The following PLXNC1 variants were observed in gnomAD, a reference collection of about 807,000 sequenced individuals.
PLXNC1 encodes the protein plexin-C1.
A neutral mutation model predicts 178.2 loss-of-function variants in PLXNC1; 75 were observed. The observed-to-expected ratio is 0.42, with a 90% confidence interval of 0.35 to 0.51. The LOEUF is 0.51. Among genes scored for constraint, PLXNC1 ranks in the 20% least tolerant of loss-of-function variants. The pLI, the probability that PLXNC1 is intolerant of heterozygous loss-of-function variation, is 0.02. For missense variants in PLXNC1, 1,503 were observed against 1,984.4 expected, an observed-to-expected ratio of 0.76 and a Z score of 4.61; for synonymous variants, 790 against 779.9, an observed-to-expected ratio of 1.01 and a Z score of -0.22.
chr12:94,165,453 C>T (rs1173913579), intron 1 of PLXNC1, among the ~76,000 whole-genome samples: 1 of 152,190 alleles, frequency 6.6e-6, no homozygotes, highest in East Asian at 1.9e-4. Context: ...GCCTCCTCTC[C>T]TGTTTTCTTC....
chr12:94,149,940 C>A lies in PLXNC1; in HGVS notation c.969C>A (p.Pro323=), dbSNP rs527239425. ...AAGEGQERRS[P]TTTALCLFRM... Reference sequence around the variant, plus strand: ...GAGAGGGCCAGGAGCGGCGCTCCCCCACCACCACGGCGCTCTGCCTCTTCA... The same window carrying A: ...GAGAGGGCCAGGAGCGGCGCTCCCCAACCACCACGGCGCTCTGCCTCTTCA... The change falls in exon 1 of 31, where the codon CCC becomes CCA. Residue 323 remains proline, a synonymous_variant. Coordinates refer to ENST00000258526, the MANE Select transcript of PLXNC1 (RefSeq NM_005761.3). 22 of 1,586,876 alleles carry A rather than the reference C, an allele frequency of 1.4e-5. No individual in the cohort carries two copies. Among genetic ancestry groups the A allele is most frequent in the Non-Finnish European group, 1.9e-5 (22 of 1,167,716 alleles).
chr12:94,163,942 TC>T lies in PLXNC1; in HGVS notation c.1063-5210del, dbSNP rs539088667. ...CATCTCCTTAGCTGAATAAAAGTAA[TC>T]TAATTATTTTCAAACACATGATTTC... On this transcript the variant is annotated intron_variant, in intron 1 of 30. Transcript: ENST00000258526. Among the ~76,000 whole-genome samples, 8 of 152,288 alleles carry T rather than the reference TC, an allele frequency of 5.3e-5. No individual in the cohort carries two copies. The South Asian group carries it at 1.7e-3, about 32-fold the overall frequency.
intron 4 of PLXNC1, among the ~76,000 whole-genome samples, chr12:94,207,890 A>G (rs1963346995): frequency 6.6e-6 from 1 of 152,178 alleles, no homozygotes; most frequent in Admixed American, 6.5e-5. Flanking sequence ...GCCAACAAAA[A>G]TATTTGTACT....
intron 2 of PLXNC1, among the ~76,000 whole-genome samples, chr12:94,171,052 G>C (rs1251528696): frequency 6.6e-6 from 1 of 152,164 alleles, no homozygotes. Flanking sequence ...CCCCAAAGCC[G>C]AGCCAACCAA....
intron 11 of PLXNC1, among the ~76,000 whole-genome samples, chr12:94,242,923 TATCC>T (rs1178580739): frequency 6.6e-6 from 1 of 151,964 alleles, no homozygotes; most frequent in Admixed American, 6.6e-5. Flanking sequence ...GCCACAGCAG[TATCC>T]TGCTTTGCTA....
At chr12:94,160,192 G>C (rs1283875239) in intron 1 of PLXNC1, among the ~76,000 whole-genome samples, 5 of 152,118 alleles carry the variant, frequency 3.3e-5, no homozygotes, top group Non-Finnish European at 7.4e-5. Flanking sequence ...GAGTAGCCAG[G>C]TCTGGCTCAT....
At chr12:94,173,700 T>G (rs1445200646) in intron 2 of PLXNC1, among the ~76,000 whole-genome samples, 1 of 152,190 alleles carries the variant, frequency 6.6e-6, no homozygotes, top group African/African-American at 2.4e-5. Context: ...CTTACAGAGC[T>G]TAGTAGAGTT....
chr12:94,301,526 C>T lies in PLXNC1; in HGVS notation c.4386+469C>T, dbSNP rs76935003. Among the ~76,000 whole-genome samples the T allele has an allele frequency of 1.3e-4, 20 of 152,218 alleles. No homozygotes were observed. In the East Asian group the frequency reaches 3.7e-3, roughly 28 times the overall value. On this transcript the variant is annotated intron_variant, in intron 28 of 30. Transcript: ENST00000258526. ...CTAATCAAAGCATGAGTACTGTTTT[C>T]CTATGGTTTTCTTTGCTGATCAATA...
At chr12:94,166,085 G>A (rs567995867) in intron 1 of PLXNC1, among the ~76,000 whole-genome samples, 97 of 152,220 alleles carry the variant, frequency 6.4e-4, no homozygotes, top group African/African-American at 2.0e-3. Context: ...TTGGCCCAAC[G>A]ATAGCTTCCA....
intron 5 of PLXNC1, among the ~76,000 whole-genome samples, chr12:94,212,646 G>T (rs1475718561): frequency 6.6e-6 from 1 of 152,026 alleles, no homozygotes; most frequent in Non-Finnish European, 1.5e-5. Flanking sequence ...CCCTGCAAAG[G>T]ACATGAACTC....
chr12:94,156,875 T>C (rs1961193360), intron 1 of PLXNC1, among the ~76,000 whole-genome samples: 1 of 151,844 alleles, frequency 6.6e-6, no homozygotes, highest in South Asian at 2.1e-4. Context: ...GCCAGGCTGA[T>C]TTTTTTTATT....
At chr12:94,267,390 T>C (rs957792290) in intron 21 of PLXNC1, among the ~76,000 whole-genome samples, 9 of 152,160 alleles carry the variant, frequency 5.9e-5, no homozygotes, top group Admixed American at 3.9e-4. Context: ...GACCATGTGT[T>C]TCTGATTTGT....
intron 3 of PLXNC1, among the ~76,000 whole-genome samples, chr12:94,183,746 T>C (rs1363585596): frequency 6.6e-6 from 1 of 152,216 alleles, no homozygotes; most frequent in Non-Finnish European, 1.5e-5. Context: ...CAGTAGTTGA[T>C]GGGTTCCCAC....
At chr12:94,216,121 A>G (rs943399485) in intron 5 of PLXNC1, among the ~76,000 whole-genome samples, 2 of 152,244 alleles carry the variant, frequency 1.3e-5, no homozygotes, top group South Asian at 4.1e-4. Flanking sequence ...CAAAAAAATT[A>G]GCCAGGCGTG....
chr12:94,214,014 A>T (rs1037834349), intron 5 of PLXNC1, among the ~76,000 whole-genome samples: 1 of 151,768 alleles, frequency 6.6e-6, no homozygotes, highest in South Asian at 2.1e-4. Flanking sequence ...TTACAGGCAC[A>T]TGCCACCACG....
intron 4 of PLXNC1, among the ~76,000 whole-genome samples, chr12:94,194,969 G>A (rs1167032175): frequency 6.6e-6 from 1 of 152,114 alleles, no homozygotes; most frequent in African/African-American, 2.4e-5. Context: ...TGAAGCCTGG[G>A]TAGACCTTCA....
chr12:94,217,609 C>T (rs567619481), intron 5 of PLXNC1, among the ~76,000 whole-genome samples: 1 of 152,162 alleles, frequency 6.6e-6, no homozygotes. Flanking sequence ...ATGTATGGTA[C>T]CTCCATCCAT....
At chr12:94,300,786 T>G in intron 27 of PLXNC1, 124 bp from the exon 28 acceptor site, 1 of 707,320 alleles carries the variant, frequency 1.4e-6, no homozygotes, top group Non-Finnish European at 2.2e-6. Flanking sequence ...TTGGTATGTT[T>G]GGCTAAGCAG....
At chr12:94,282,770 G>A (rs898032905) in intron 23 of PLXNC1, 8 of 179,768 alleles carry the variant, frequency 4.5e-5, no homozygotes, top group Non-Finnish European at 7.1e-5. Context: ...CCCAAGCCTC[G>A]CCTCCCTCCA....
Sources: gnomAD v4.1 joint callset for allele counts (sites outside exome capture counted in the v4.1 genomes callset) on GRCh38, gnomAD v4.1.1 for gene constraint, MANE v1.5 for transcripts, NCBI Gene and HGNC (gene_info 2026-07-23, HGNC 2026-07-21) for gene names.